Variants in GABBR2 observed in about 807,000 individuals in gnomAD.
The protein encoded by GABBR2 is G-protein coupled receptor 51.
Under a neutral mutation model 105.6 loss-of-function variants are expected in GABBR2, and 23 were observed. The observed-to-expected ratio is 0.22, with a 90% confidence interval of 0.16 to 0.31. The LOEUF (loss-of-function observed/expected upper bound fraction) is 0.31, where lower values mean the gene tolerates loss of function less well. GABBR2 is among the 10% of genes least tolerant of loss of function. The pLI, the probability that GABBR2 is intolerant of heterozygous loss-of-function variation, is 1.00. For synonymous variants in GABBR2, 478 were observed against 499.7 expected, an observed-to-expected ratio of 0.96 and a Z score of 0.58; for missense variants, 734 against 1,245.5, an observed-to-expected ratio of 0.59 and a Z score of 6.18.
At chr9:98,637,453 C>T (rs1192048704) in intron 1 of GABBR2, among the ~76,000 whole-genome samples, 1 of 152,132 alleles carries the variant, frequency 6.6e-6, no homozygotes, top group Non-Finnish European at 1.5e-5. Flanking sequence ...ATTCCCAGAA[C>T]TTGCATGAGG....
intron 4 of GABBR2, among the ~76,000 whole-genome samples, chr9:98,491,474 T>A (rs1380299902): frequency 2.6e-5 from 4 of 152,264 alleles, no homozygotes; most frequent in African/African-American, 9.6e-5. Flanking sequence ...TTGTGCTTTC[T>A]GGTTTTCATG....
At chr9:98,648,080 G>A (rs796599459) in intron 1 of GABBR2, among the ~76,000 whole-genome samples, 1 of 68,016 alleles carries the variant, frequency 1.5e-5, no homozygotes, top group African/African-American at 6.4e-5. Context: ...AATCATACAG[G>A]GTGTGTGTGT....
intron 7 of GABBR2, among the ~76,000 whole-genome samples, chr9:98,445,575 G>A (rs1826112315): frequency 6.6e-6 from 1 of 152,266 alleles, no homozygotes; most frequent in Non-Finnish European, 1.5e-5. Flanking sequence ...GAAAAAGGAA[G>A]AGGCCATGCT....
chr9:98,408,792 T>C (rs1311634030), intron 7 of GABBR2, among the ~76,000 whole-genome samples: 1 of 152,204 alleles, frequency 6.6e-6, no homozygotes, highest in Non-Finnish European at 1.5e-5. Flanking sequence ...TCTTTTTTTA[T>C]TTTTTATTTT....
At chr9:98,616,224 A>C (rs572522833) in intron 1 of GABBR2, among the ~76,000 whole-genome samples, 1 of 152,292 alleles carries the variant, frequency 6.6e-6, no homozygotes, top group South Asian at 2.1e-4. Flanking sequence ...ATTTTCCAAC[A>C]TGCTTTTCAA....
At chr9:98,611,227 A>C (rs544089354) in intron 1 of GABBR2, among the ~76,000 whole-genome samples, 7 of 152,242 alleles carry the variant, frequency 4.6e-5, no homozygotes, top group Non-Finnish European at 1.0e-4. Flanking sequence ...CTGCCCTGTA[A>C]GGCCCTCTGT....
intron 7 of GABBR2, among the ~76,000 whole-genome samples, chr9:98,430,386 T>G (rs1825785625): frequency 6.6e-6 from 1 of 152,196 alleles, no homozygotes; most frequent in South Asian, 2.1e-4. Context: ...TTTCGAGTCT[T>G]GCTTTTAAGC....
chr9:98,566,091 G>A (rs1302161870), intron 2 of GABBR2, among the ~76,000 whole-genome samples: 1 of 152,202 alleles, frequency 6.6e-6, no homozygotes, highest in Non-Finnish European at 1.5e-5. Context: ...AGAGGATGAG[G>A]CGCCTAGAAG....
intron 1 of GABBR2, among the ~76,000 whole-genome samples, chr9:98,641,259 T>C (rs1829958513): frequency 6.6e-6 from 1 of 151,022 alleles, no homozygotes; most frequent in South Asian, 2.1e-4. Flanking sequence ...TCAGCATCCC[T>C]AGTAGCTGGG....
chr9:98,296,144 T>C (rs1479999868), intron 17 of GABBR2, among the ~76,000 whole-genome samples: 1 of 152,222 alleles, frequency 6.6e-6, no homozygotes, highest in East Asian at 1.9e-4. Flanking sequence ...AATTAAGTCG[T>C]GAAGGCGGAG....
chr9:98,362,694 C>T (rs1831607230), intron 13 of GABBR2, 21 bp downstream of exon 13: 1 of 1,488,750 alleles, frequency 6.7e-7, no homozygotes, highest in South Asian at 1.5e-5. Context: ...GGCTTCCCTC[C>T]TGCCGGCATG....
intron 1 of GABBR2, among the ~76,000 whole-genome samples, chr9:98,634,662 G>C (rs775090240): frequency 1.3e-5 from 2 of 152,148 alleles, no homozygotes; most frequent in Non-Finnish European, 2.9e-5. Flanking sequence ...CTCCAGAACT[G>C]TGAGCTAATA....
At position 98,528,156 on chromosome 9, in the gene GABBR2, C is replaced by T. The variant is rs563426329; in HGVS notation, c.630+13717G>A. Among the ~76,000 whole-genome samples the T allele has an allele frequency of 3.1e-3, 469 of 152,086 alleles. 5 individuals carry two copies. Among genetic ancestry groups the T allele is most frequent in the African/African-American group, 0.011 (436 of 41,512 alleles). On this transcript the variant is annotated intron_variant, in intron 3 of 18. Transcript: ENST00000259455. ...ATATATGTTGGTTTGCATTATATTT[C>T]GATCATACAGAACTGGCCTAAAGCA...
intron 14 of GABBR2, among the ~76,000 whole-genome samples, chr9:98,307,923 T>C (rs1325444722): frequency 6.6e-6 from 1 of 152,208 alleles, no homozygotes. Flanking sequence ...TTATTCCTTT[T>C]AAAAAATTCC....
At chr9:98,627,110 A>C (rs1829748227) in intron 1 of GABBR2, among the ~76,000 whole-genome samples, 1 of 152,170 alleles carries the variant, frequency 6.6e-6, no homozygotes, top group African/African-American at 2.4e-5. Context: ...AGGGTGTGGG[A>C]TCAGCTTCAC....
intron 3 of GABBR2, among the ~76,000 whole-genome samples, chr9:98,507,372 A>C (rs1827534313): frequency 6.6e-6 from 1 of 152,134 alleles, no homozygotes; most frequent in Non-Finnish European, 1.5e-5. Flanking sequence ...ATTTGTTCAA[A>C]GATGCTCTGC....
rs1564026872 is a variant in GABBR2, at chr9:98,349,344, G to GTTTTTTTTTT, written c.1893+13370_1893+13371insAAAAAAAAAA. 1.8e-4 allele frequency among the ~76,000 whole-genome samples: 19 copies of GTTTTTTTTTT among 105,484 alleles called. 3 individuals are homozygous for GTTTTTTTTTT. The highest frequency in any genetic ancestry group is 5.3e-3 in the Middle Eastern group (1 of 188). 69.2% of individuals were successfully genotyped at this position (105,484 alleles called of 152,430 possible). On this transcript the variant is annotated intron_variant, in intron 13 of 18. Coordinates refer to ENST00000259455, the MANE Select transcript of GABBR2 (RefSeq NM_005458.8). ...TTTGGTTTGCCAATATTTTGTTGAA[G>GTTTTTTTTTT]TTTTGTTTTTTTTTTTTTTTTTTTT...
chr9:98,341,065 T>G (rs769930609), intron 13 of GABBR2, among the ~76,000 whole-genome samples: 16 of 152,228 alleles, frequency 1.1e-4, no homozygotes, highest in Non-Finnish European at 2.1e-4. Context: ...GGCTCTGTCT[T>G]TTGTGATTTG....
intron 1 of GABBR2, among the ~76,000 whole-genome samples, chr9:98,702,153 T>A (rs1830836755): frequency 6.6e-6 from 1 of 152,114 alleles, no homozygotes; most frequent in Non-Finnish European, 1.5e-5. Context: ...CCAGGTCTCC[T>A]GACCCTAGGG....
Sources: allele counts gnomAD v4.1 joint callset (sites outside exome capture counted in the v4.1 genomes callset), GRCh38; gene constraint gnomAD v4.1.1; transcripts MANE v1.5; gene names NCBI Gene and HGNC (gene_info 2026-07-23, HGNC 2026-07-21).